MEF2C: variants seen among roughly 807,000 people sequenced by gnomAD.
The protein encoded by MEF2C is myocyte enhancer factor 2C.
Under a neutral mutation model 50.5 loss-of-function variants are expected in MEF2C, and 6 were observed. The observed-to-expected ratio is 0.12, with a 90% CI of 0.07 to 0.23. The LOEUF is 0.23. MEF2C is among the 10% of genes least tolerant of loss of function. The pLI is 1.00. For missense variants in MEF2C, 276 were observed against 605.0 expected (o/e 0.46, Z 5.70); for synonymous variants, 183 against 228.0 (o/e 0.80, Z 1.78).
chr5:88,738,245 G>C lies in MEF2C; in HGVS notation c.638-6344C>G, dbSNP rs143488507. 1.6e-4 allele frequency: 157 copies of C among 985,304 alleles called. 1 individual carries two copies. The highest frequency in any genetic ancestry group is 8.4e-6 in the Non-Finnish European group (7 of 829,846). The allele number at this position is 985,304 out of a possible 1,614,324, so 61.0% of individuals were successfully genotyped here. A position where few individuals can be genotyped will look rare whatever the true frequency, so the allele number is the denominator to read the frequency against. On this transcript the variant is annotated intron_variant, in intron 6 of 10. Coordinates refer to ENST00000504921, the MANE Select transcript of MEF2C (RefSeq NM_002397.5). Reference sequence around the variant, plus strand: ...ATGAGAGGCTCTCAGGTACTCATCTGAGGCAGTCATTGACAATCTTACCAT... The same window carrying C: ...ATGAGAGGCTCTCAGGTACTCATCTCAGGCAGTCATTGACAATCTTACCAT...
chr5:88,786,334 G>T (rs1790872704), intron 3 of MEF2C, among the ~76,000 whole-genome samples: 1 of 152,096 alleles, frequency 6.6e-6, no homozygotes, highest in African/African-American at 2.4e-5. Context: ...CAAAAACAAA[G>T]AACATTCTCC....
chr5:88,785,993 A>G (rs1436702457), intron 3 of MEF2C, among the ~76,000 whole-genome samples: 2 of 152,336 alleles, frequency 1.3e-5, no homozygotes, highest in East Asian at 1.9e-4. Flanking sequence ...TCAGCCTTCT[A>G]TTCCACGCCT....
chr5:88,868,135 G>A (rs899802835), intron 1 of MEF2C, among the ~76,000 whole-genome samples: 2 of 152,118 alleles, frequency 1.3e-5, no homozygotes, highest in African/African-American at 4.8e-5. Flanking sequence ...AGATAAAAAT[G>A]GCCCCACGGT....
intron 6 of MEF2C, chr5:88,741,541 G>T (rs1223435733): frequency 1.2e-5 from 12 of 985,148 alleles, no homozygotes; most frequent in Non-Finnish European, 1.3e-5. Context: ...TTTTCACTGA[G>T]TTGCTTAATA....
intron 5 of MEF2C, chr5:88,751,211 G>T: frequency 3.0e-6 from 3 of 983,612 alleles, no homozygotes; most frequent in Non-Finnish European, 3.6e-6. Flanking sequence ...CTTTTTCTGA[G>T]AAATAATTTA....
intron 7 of MEF2C, 95 bp downstream of exon 7, chr5:88,731,634 A>G (rs1581389553): frequency 2.7e-6 from 3 of 1,110,234 alleles, no homozygotes; most frequent in Non-Finnish European, 4.0e-6. Flanking sequence ...TTTCTGGGAG[A>G]ATGTTAAGTA....
chr5:88,827,148 A>C (rs1316308140), intron 1 of MEF2C: 1 of 151,964 alleles, frequency 6.6e-6, no homozygotes, highest in Non-Finnish European at 1.5e-5. Context: ...TCTTCTGGAC[A>C]GATGCTAAAG....
At chr5:88,848,155 T>C (rs1163731313) in intron 1 of MEF2C, among the ~76,000 whole-genome samples, 1 of 152,164 alleles carries the variant, frequency 6.6e-6, no homozygotes, top group Non-Finnish European at 1.5e-5. Flanking sequence ...AAAAAGATGA[T>C]ATAGAATAAT....
chr5:88,744,143 T>C, intron 6 of MEF2C: 3 of 985,224 alleles, frequency 3.0e-6, no homozygotes, highest in Non-Finnish European at 3.6e-6. Context: ...AACGGGATAG[T>C]GAATAATCCA....
chr5:88,799,870 T>TCATACACACA lies in MEF2C; in HGVS notation c.258+4727_258+4728insTGTGTGTATG, dbSNP rs70996496. Among the ~76,000 whole-genome samples the TCATACACACA allele has an allele frequency of 6.9e-4, 74 of 107,514 alleles. 1 individual carries two copies. Among genetic ancestry groups the TCATACACACA allele is most frequent in the African/African-American group, 2.3e-3 (71 of 31,214 alleles). The allele number at this position is 107,514 out of a possible 152,430, so 70.5% of individuals were successfully genotyped here. A position where few individuals can be genotyped will look rare whatever the true frequency, so the allele number is the denominator to read the frequency against. On this transcript the variant is annotated intron_variant, in intron 3 of 10. Transcript: ENST00000504921. ...TTCCTTCTCTCTCTCTCTCTCTCTC[T>TCATACACACA]CACACACACACACACACACACACAC...
chr5:88,804,151 TGA>T (rs1159211814), intron 3 of MEF2C, among the ~76,000 whole-genome samples: 1 of 152,148 alleles, frequency 6.6e-6, no homozygotes, highest in African/African-American at 2.4e-5. Flanking sequence ...ATCGAAAAAC[TGA>T]AAGTGTAAGG....
intron 3 of MEF2C, among the ~76,000 whole-genome samples, chr5:88,775,344 G>A (rs1784272043): frequency 6.6e-6 from 1 of 152,128 alleles, no homozygotes; most frequent in South Asian, 2.1e-4. Flanking sequence ...AGGCAATTAT[G>A]AATTGAGTGT....
intron 5 of MEF2C, among the ~76,000 whole-genome samples, chr5:88,749,922 C>T (rs1389666579): frequency 5.9e-5 from 9 of 151,398 alleles, no homozygotes; most frequent in African/African-American, 1.7e-4. Flanking sequence ...CCCAGCTACT[C>T]GGGAGGCTGA....
At chr5:88,873,116 C>A (rs1032508993) in intron 1 of MEF2C, among the ~76,000 whole-genome samples, 1 of 151,878 alleles carries the variant, frequency 6.6e-6, no homozygotes, top group Non-Finnish European at 1.5e-5. Flanking sequence ...ATAGAGCAAC[C>A]TAAAAGGCAT....
chr5:88,735,288 G>C, intron 6 of MEF2C: 1 of 985,344 alleles, frequency 1.0e-6, no homozygotes, highest in Non-Finnish European at 1.2e-6. Context: ...AAATTCAGGG[G>C]TCCGGGAGGT....
rs1362458126 is a variant in MEF2C at position 88,717,602 on chromosome 5, G to T, written c.*5002C>A. The T allele has an allele frequency of 6.6e-6, 1 of 152,152 alleles. No homozygotes were observed. Among genetic ancestry groups the T allele is most frequent in the Non-Finnish European group, 1.5e-5 (1 of 68,026 alleles). 9.4% of individuals were successfully genotyped at this position (152,152 alleles called of 1,614,324 possible). A position where few individuals can be genotyped will look rare whatever the true frequency, so the allele number is the denominator to read the frequency against. ...ATTTCCTCGAACTGCATTCTTTTTG[G>T]AGCAGATATCACTACTAATGCAAAA... On this transcript the variant is annotated 3_prime_UTR_variant, in exon 11 of 11. Coordinates refer to ENST00000504921, the MANE Select transcript of MEF2C (RefSeq NM_002397.5).
At chr5:88,733,932 A>G in intron 6 of MEF2C, 3 of 985,402 alleles carry the variant, frequency 3.0e-6, no homozygotes, top group Non-Finnish European at 3.6e-6. Flanking sequence ...CTAGATAAAT[A>G]TGACAAACCC....
intron 8 of MEF2C, 56 bp downstream of exon 8, chr5:88,730,155 T>A: frequency 1.9e-6 from 3 of 1,544,022 alleles, no homozygotes; most frequent in Non-Finnish European, 2.6e-6. Context: ...AGCTACCACC[T>A]CTACCTAAAA....
chr5:88,841,137 T>C (rs1286047098), intron 1 of MEF2C, among the ~76,000 whole-genome samples: 1 of 152,212 alleles, frequency 6.6e-6, no homozygotes, highest in Non-Finnish European at 1.5e-5. Flanking sequence ...AGTTAACTCC[T>C]AGTCTTTACT....
Sources: gnomAD v4.1 joint callset for allele counts (sites outside exome capture counted in the v4.1 genomes callset) on GRCh38, gnomAD v4.1.1 for gene constraint, MANE v1.5 for transcripts, NCBI Gene and HGNC (gene_info 2026-07-23, HGNC 2026-07-21) for gene names.